TUSC3: variants seen among roughly 807,000 people sequenced by gnomAD.
TUSC3 encodes the protein dolichyl-diphosphooligosaccharide--protein glycosyltransferase subunit TUSC3.
Under a neutral mutation model 44.8 loss-of-function variants are expected in TUSC3, and 45 were observed. The ratio of observed to expected loss-of-function variants is 1.00; its 90% CI spans 0.79 to 1.29. The LOEUF (loss-of-function observed/expected upper bound fraction) is 1.29. Ranked by LOEUF, TUSC3 falls within the 50% of genes most tolerant of loss-of-function variation. The probability of loss-of-function intolerance (pLI) is 0.00; values close to 1 mark genes in which losing one functional copy is unlikely to be tolerated. For missense variants in TUSC3, 519 were observed against 437.9 expected, an observed-to-expected ratio of 1.19 and a Z score of -1.65; for synonymous variants, 212 against 152.9, an observed-to-expected ratio of 1.39 and a Z score of -2.85.
intron 6 of TUSC3, among the ~76,000 whole-genome samples, chr8:15,677,957 C>T (rs543269663): frequency 4.1e-4 from 62 of 152,190 alleles, no homozygotes; most frequent in Non-Finnish European, 5.4e-4. Context: ...GATCCAAAGA[C>T]AGTGATTTAA....
chr8:15,838,870 G>C, the TUSC3 span, among the ~76,000 whole-genome samples: 1 of 152,148 alleles, frequency 6.6e-6, no homozygotes, highest in South Asian at 2.1e-4. Flanking sequence ...GAACTTTAAA[G>C]TAGTTTTTTT....
the TUSC3 span, among the ~76,000 whole-genome samples, chr8:15,809,291 A>G: frequency 0.12 from 18,478 of 152,206 alleles, 1,162 homozygotes; most frequent in Middle Eastern, 0.16. Flanking sequence ...TTAACAAAAC[A>G]TAGTTACTTG....
chr8:15,796,515 G>A, the TUSC3 span, among the ~76,000 whole-genome samples: 1 of 152,206 alleles, frequency 6.6e-6, no homozygotes, highest in Non-Finnish European at 1.5e-5. Context: ...ATACTTGAGA[G>A]AACCACATTC....
At chr8:15,473,809 A>G (rs563956902) in intron 1 of TUSC3, among the ~76,000 whole-genome samples, 1 of 152,202 alleles carries the variant, frequency 6.6e-6, no homozygotes, top group Admixed American at 6.5e-5. Flanking sequence ...AAACAGAACT[A>G]CTGATAAGGG....
the TUSC3 span, among the ~76,000 whole-genome samples, chr8:15,792,071 T>C: frequency 1.2e-4 from 19 of 152,070 alleles, no homozygotes; most frequent in Non-Finnish European, 1.0e-4. Context: ...GTTTGCCAGC[T>C]TGAATTTGTA....
intron 3 of TUSC3, among the ~76,000 whole-genome samples, chr8:15,658,892 A>C (rs1807294895): frequency 1.3e-5 from 2 of 152,206 alleles, no homozygotes; most frequent in Middle Eastern, 6.8e-3. Context: ...AACACAGTTG[A>C]GTTAATAGAG....
intron 7 of TUSC3, 124 bp from the exon 8 acceptor site, chr8:15,743,414 T>C (rs911768271): frequency 3.2e-6 from 3 of 933,928 alleles, no homozygotes; most frequent in East Asian, 2.4e-5. Context: ...ATAAAGGTAA[T>C]TGATTGTATT....
intron 2 of TUSC3, among the ~76,000 whole-genome samples, chr8:15,533,477 C>T (rs1269102282): frequency 6.6e-6 from 1 of 152,132 alleles, no homozygotes; most frequent in Admixed American, 6.6e-5. Flanking sequence ...ATTTATATTG[C>T]TAGGGTGAAA....
At chr8:15,420,024 T>C (rs1799718420) in intron 1 of TUSC3, among the ~76,000 whole-genome samples, 1 of 152,206 alleles carries the variant, frequency 6.6e-6, no homozygotes, top group Non-Finnish European at 1.5e-5. Context: ...TCCCATTATA[T>C]GTATCTGTGG....
intron 1 of TUSC3, among the ~76,000 whole-genome samples, chr8:15,448,217 C>G (rs953367226): frequency 1.3e-5 from 2 of 151,074 alleles, no homozygotes; most frequent in Non-Finnish European, 2.9e-5. Flanking sequence ...CTCCTGGGTT[C>G]AAGCAATTCT....
chr8:15,718,911 G>T (rs192524628), intron 6 of TUSC3, among the ~76,000 whole-genome samples: 1 of 151,820 alleles, frequency 6.6e-6, no homozygotes. Context: ...AAATCTTGTC[G>T]TTCTTCCTTC....
intron 1 of TUSC3, among the ~76,000 whole-genome samples, chr8:15,576,468 C>A (rs976762210): frequency 4.2e-5 from 5 of 119,406 alleles, no homozygotes; most frequent in African/African-American, 6.2e-5. Context: ...CCCCTCCCCC[C>A]ACCCCACCAC....
the TUSC3 span, among the ~76,000 whole-genome samples, chr8:15,836,238 G>A: frequency 6.6e-6 from 1 of 151,762 alleles, no homozygotes; most frequent in Non-Finnish European, 1.5e-5. Context: ...CACTTTGGGA[G>A]GCTAAGGTGG....
the TUSC3 span, among the ~76,000 whole-genome samples, chr8:15,785,165 A>G: frequency 6.6e-6 from 1 of 152,160 alleles, no homozygotes; most frequent in East Asian, 1.9e-4. Flanking sequence ...AATCTCAGAA[A>G]TCACCACTGA....
chr8:15,682,976 C>A (rs1808486765), intron 6 of TUSC3, among the ~76,000 whole-genome samples: 1 of 152,024 alleles, frequency 6.6e-6, no homozygotes, highest in African/African-American at 2.4e-5. Context: ...AAAAGCAGGC[C>A]CCATTCTCTT....
chr8:15,848,102 G>T, the TUSC3 span, among the ~76,000 whole-genome samples: 2 of 151,994 alleles, frequency 1.3e-5, no homozygotes, highest in Non-Finnish European at 2.9e-5. Flanking sequence ...TGCCAATACT[G>T]GCCTATTAGA....
At chr8:15,587,285 A>T (rs1803641561) in intron 1 of TUSC3, among the ~76,000 whole-genome samples, 2 of 152,224 alleles carry the variant, frequency 1.3e-5, no homozygotes, top group Non-Finnish European at 2.9e-5. Context: ...TTATTTTTTT[A>T]AAAAACTTCT....
chr8:15,726,527 C>T (rs1810503507), intron 6 of TUSC3, among the ~76,000 whole-genome samples: 1 of 151,980 alleles, frequency 6.6e-6, no homozygotes, highest in Admixed American at 6.6e-5. Flanking sequence ...TCAATGGGGC[C>T]AGGTGCGGTG....
At chr8:15,483,467 A>C (rs1165142250) in exon 2 of TUSC3, 2 of 159,314 alleles carry the variant, frequency 1.3e-5, no homozygotes, top group East Asian at 1.8e-4. Flanking sequence ...CAGTCTCCCA[A>C]GTAGCTGGGA....
Sources: gnomAD v4.1 joint callset for allele counts (sites outside exome capture counted in the v4.1 genomes callset) on GRCh38, gnomAD v4.1.1 for gene constraint, MANE v1.5 for transcripts, NCBI Gene and HGNC (gene_info 2026-07-23, HGNC 2026-07-21) for gene names.